The following PCDHA8 variants were observed in gnomAD, a reference collection of about 807,000 sequenced individuals.
PCDHA8 encodes the protein protocadherin alpha-8.
In PCDHA8, 53 loss-of-function variants were observed where a neutral mutation model predicts 61.8. The ratio of observed to expected loss-of-function variants is 0.86; its 90% CI spans 0.69 to 1.08. The LOEUF (loss-of-function observed/expected upper bound fraction) is 1.08. PCDHA8 is among the 50% of genes least tolerant of loss of function. The pLI is 0.00. For missense variants in PCDHA8, 1,293 were observed against 1,245.0 expected (o/e 1.04, Z -0.58); for synonymous variants, 618 against 556.6 (o/e 1.11, Z -1.55).
At chr5:140,851,427 T>C in intron 1 of PCDHA8, 2 of 945,324 alleles carry the variant, frequency 2.1e-6, no homozygotes, top group Non-Finnish European at 2.6e-6. Flanking sequence ...CCCTAAACTT[T>C]AGAAAACAGT....
At chr5:140,915,028 T>C (rs1583932096) in intron 1 of PCDHA8, among the ~76,000 whole-genome samples, 1 of 150,922 alleles carries the variant, frequency 6.6e-6, no homozygotes, top group Non-Finnish European at 1.5e-5. Context: ...TCACTGCAAC[T>C]TCTGCCTCCT....
intron 1 of PCDHA8, chr5:140,869,606 T>C: frequency 2.5e-6 from 4 of 1,614,026 alleles, no homozygotes; most frequent in Non-Finnish European, 3.4e-6. Flanking sequence ...AATGCTCTAT[T>C]GACCTACAGG....
intron 3 of PCDHA8, among the ~76,000 whole-genome samples, chr5:140,999,451 C>T (rs1245812469): frequency 4.6e-5 from 7 of 152,084 alleles, no homozygotes; most frequent in African/African-American, 9.7e-5. Context: ...ATTCGTTCAA[C>T]GAATAAGTGG....
chr5:140,910,191 CTT>C (rs1384563815), intron 1 of PCDHA8, among the ~76,000 whole-genome samples: 2 of 152,152 alleles, frequency 1.3e-5, no homozygotes, highest in Non-Finnish European at 2.9e-5. Context: ...TCAAATTAGT[CTT>C]TTGTCCACTT....
intron 3 of PCDHA8, 115 bp downstream of exon 3, chr5:140,982,678 C>G: frequency 6.9e-7 from 1 of 1,438,900 alleles, no homozygotes; most frequent in East Asian, 2.5e-5. Context: ...TTTGTTATTC[C>G]CTTTTTTCCA....
At position 140,850,924 on chromosome 5, in the gene PCDHA8, T is replaced by G. The variant is rs2150502629; in HGVS notation, c.2394+7209T>G. ...TCTAGCATTTTATTTATTTATATAA[T>G]TTTTTTTCTTGAAAGATATTATCGA... On this transcript the variant is annotated intron_variant, in intron 1 of 3. Transcript: ENST00000531613. 179 of 1,517,174 alleles carry G rather than the reference T, an allele frequency of 1.2e-4. 13 individuals carry two copies. The Admixed American group carries it at 3.8e-3, about 32-fold the overall frequency. The allele number at this position is 1,517,174 out of a possible 1,614,324, so 94.0% of individuals were successfully genotyped here. A position where few individuals can be genotyped will look rare whatever the true frequency, so the allele number is the denominator to read the frequency against.
intron 3 of PCDHA8, among the ~76,000 whole-genome samples, chr5:140,985,279 A>G (rs1168353248): frequency 1.3e-5 from 2 of 152,150 alleles, no homozygotes; most frequent in Non-Finnish European, 2.9e-5. Context: ...CTTTTCTGCA[A>G]TCTATGATAT....
At chr5:140,995,592 A>G (rs2097690478) in intron 3 of PCDHA8, among the ~76,000 whole-genome samples, 1 of 152,212 alleles carries the variant, frequency 6.6e-6, no homozygotes, top group East Asian at 1.9e-4. Context: ...CTTTTAACTT[A>G]GTGTTTTTCT....
intron 1 of PCDHA8, chr5:140,870,513 C>G: frequency 6.2e-7 from 1 of 1,614,254 alleles, no homozygotes; most frequent in Non-Finnish European, 8.5e-7. Flanking sequence ...ACCCACCAGG[C>G]TGCCACATCT....
At chr5:140,880,123 C>T (rs1315267493) in intron 1 of PCDHA8, among the ~76,000 whole-genome samples, 3 of 152,118 alleles carry the variant, frequency 2.0e-5, no homozygotes, top group African/African-American at 7.2e-5. Flanking sequence ...CAACAGGAAG[C>T]TGAAATAAAG....
Position 141,010,188 on chromosome 5 carries a change from T to A in PCDHA8, c.*251T>A. ...CAGAACCTAAAAAGCAGACCCAAGT[T>A]TCCTTTCTCCTCCGCCGCAAAGGAG... is the stretch of plus-strand genomic sequence containing the variant. On this transcript the variant is annotated 3_prime_UTR_variant, in exon 4 of 4. Coordinates refer to ENST00000531613, the MANE Select transcript of PCDHA8 (RefSeq NM_018911.3). 6.4e-7 allele frequency: 1 copy of A among 1,553,070 alleles called. No individual in the cohort carries two copies. The highest frequency in any genetic ancestry group is 1.2e-5 in the South Asian group (1 of 84,340).
chr5:140,969,400 T>C (rs782765994), intron 1 of PCDHA8: 2 of 1,580,682 alleles, frequency 1.3e-6, no homozygotes, highest in South Asian at 2.3e-5. Flanking sequence ...TATCCTGTGA[T>C]TTGGCTTTAT....
chr5:140,983,966 C>A (rs782428444), intron 3 of PCDHA8, among the ~76,000 whole-genome samples: 1 of 152,048 alleles, frequency 6.6e-6, no homozygotes, highest in Non-Finnish European at 1.5e-5. Flanking sequence ...CACATTTGTC[C>A]AAAAAATATA....
intron 1 of PCDHA8, chr5:140,876,117 C>G: frequency 6.2e-7 from 1 of 1,613,922 alleles, no homozygotes; most frequent in East Asian, 2.2e-5. Context: ...TGATGGTAAT[C>G]GATGGCGGTA....
rs976941925 is a variant in PCDHA8, at chr5:140,854,525, C to T, written c.2394+10810C>T. 1.3e-5 allele frequency: 2 copies of T among 149,636 alleles called. 1 individual carries two copies. The highest frequency in any genetic ancestry group is 4.9e-5 in the African/African-American group (2 of 40,820). 9.3% of individuals were successfully genotyped at this position (149,636 alleles called of 1,614,324 possible). A position where few individuals can be genotyped will look rare whatever the true frequency, so the allele number is the denominator to read the frequency against. On this transcript the variant is annotated intron_variant, in intron 1 of 3. Transcript: ENST00000531613. ...CATAAACTGATGGATTAAGTGACAC[C>T]CATTTCTGTCAGTTTTCTTATTCAT...
At chr5:140,926,957 T>G in intron 1 of PCDHA8, 1 of 1,602,892 alleles carries the variant, frequency 6.2e-7, no homozygotes, top group Non-Finnish European at 8.5e-7. Context: ...GCGGGACAGC[T>G]CGAGTACTCA....
chr5:140,978,820 TG>T, intron 1 of PCDHA8, 128 bp from the exon 2 acceptor site: 2 of 1,517,498 alleles, frequency 1.3e-6, no homozygotes, highest in Non-Finnish European at 1.8e-6. Flanking sequence ...GAGTTACACA[TG>T]AAATGGCTCA....
At position 140,870,592 on chromosome 5, in the gene PCDHA8, C is replaced by T. The variant is rs202164332; in HGVS notation, c.2394+26877C>T. The T allele has an allele frequency of 8.8e-4, 1,421 of 1,613,554 alleles. 8 individuals carry two copies. The African/African-American group carries it at 0.017, about 19-fold the overall frequency. On this transcript the variant is annotated intron_variant, in intron 1 of 3. Coordinates refer to ENST00000531613, the MANE Select transcript of PCDHA8 (RefSeq NM_018911.3). ...GGTGTCCTACTCGCTGGTGGAGCGGCGGTTGGGCGACCGCGCGCTGTCGAG... is the reference window on the plus strand; with the variant it reads ...GGTGTCCTACTCGCTGGTGGAGCGGTGGTTGGGCGACCGCGCGCTGTCGAG...
In PCDHA8 at chr5:140,843,468, T is replaced by C; in HGVS notation, c.2147T>C (p.Leu716Pro). 1.3e-6 allele frequency: 2 copies of C among 1,595,998 alleles called. No individual in the cohort carries two copies. Among genetic ancestry groups the C allele is most frequent in the Non-Finnish European group, 1.7e-6 (2 of 1,165,606 alleles). ...AVSSLLVLTL[L>P]LYTALRCSAL... ...TCCAGCCTGCTGGTGCTCACGCTGC[T>C]GCTGTACACTGCGCTGCGGTGCTCA... The change falls in exon 1 of 4, where the codon CTG becomes CCG. Residue 716 changes from leucine (L) to proline (P), a missense_variant. Coordinates refer to ENST00000531613, the MANE Select transcript of PCDHA8 (RefSeq NM_018911.3).
Sources: gnomAD v4.1 joint callset for allele counts (sites outside exome capture counted in the v4.1 genomes callset) on GRCh38, gnomAD v4.1.1 for gene constraint, MANE v1.5 for transcripts, NCBI Gene and HGNC (gene_info 2026-07-23, HGNC 2026-07-21) for gene names.